SYN2: variants seen among roughly 807,000 people sequenced by gnomAD.
SYN2 encodes synapsin II.
In SYN2, 19 loss-of-function variants were observed where a neutral mutation model predicts 50.9. That is an observed-to-expected ratio of 0.37 (90% CI 0.26 to 0.55). The LOEUF is 0.55. SYN2 is among the 20% of genes least tolerant of loss of function. SYN2 has a pLI of 0.81. For synonymous variants in SYN2, 255 were observed against 224.9 expected, an observed-to-expected ratio of 1.13 and a Z score of -1.20; for missense variants, 587 against 576.4, an observed-to-expected ratio of 1.02 and a Z score of -0.19.
chr3:12,052,754 C>A (rs1694894702), intron 1 of SYN2, among the ~76,000 whole-genome samples: 1 of 152,176 alleles, frequency 6.6e-6, no homozygotes. Context: ...TGTCTCCTTT[C>A]TTTCCAGAAA....
intron 1 of SYN2, among the ~76,000 whole-genome samples, chr3:12,127,179 T>G (rs1449016651): frequency 6.6e-6 from 1 of 152,228 alleles, no homozygotes; most frequent in Non-Finnish European, 1.5e-5. Flanking sequence ...GAGTTGGTTT[T>G]TAAAACTACT....
At chr3:12,007,591 G>A (rs1486547071) in intron 1 of SYN2, among the ~76,000 whole-genome samples, 1 of 152,140 alleles carries the variant, frequency 6.6e-6, no homozygotes, top group African/African-American at 2.4e-5. Flanking sequence ...TATCGTATAT[G>A]CCCTATATTA....
At chr3:12,053,685 AATAGTATTCT>A (rs1694922720) in intron 1 of SYN2, among the ~76,000 whole-genome samples, 1 of 152,140 alleles carries the variant, frequency 6.6e-6, no homozygotes, top group African/African-American at 2.4e-5. Context: ...CCCTAGAGTT[AATAGTATTCT>A]CATGTTTTTT....
intron 10 of SYN2, among the ~76,000 whole-genome samples, chr3:12,182,056 C>T (rs1294237150): frequency 6.6e-6 from 1 of 152,166 alleles, no homozygotes; most frequent in African/African-American, 2.4e-5. Flanking sequence ...AGCTGCTCTC[C>T]CAAATCCTCT....
intron 1 of SYN2, among the ~76,000 whole-genome samples, chr3:12,135,933 T>TA (rs1255991810): frequency 6.6e-6 from 1 of 152,206 alleles, no homozygotes; most frequent in Non-Finnish European, 1.5e-5. Context: ...CAATAAGACA[T>TA]AATCAGTATT....
At chr3:12,154,553 CTT>C in intron 5 of SYN2, 1 of 1,394,674 alleles carries the variant, frequency 7.2e-7, no homozygotes, top group Non-Finnish European at 9.8e-7. Context: ...TCCCCAATGA[CTT>C]TGGTGGCAGT....
At chr3:12,090,158 G>A (rs1030365913) in intron 1 of SYN2, among the ~76,000 whole-genome samples, 3 of 152,022 alleles carry the variant, frequency 2.0e-5, no homozygotes, top group Non-Finnish European at 4.4e-5. Flanking sequence ...TAGCTAATTG[G>A]CCCTTATGAA....
intron 1 of SYN2, among the ~76,000 whole-genome samples, chr3:12,139,186 G>A (rs1696962563): frequency 6.6e-6 from 1 of 152,168 alleles, no homozygotes; most frequent in Non-Finnish European, 1.5e-5. Context: ...TAGGACAAAT[G>A]ACAACTTCCT....
intron 1 of SYN2, among the ~76,000 whole-genome samples, chr3:12,092,268 A>C (rs940679515): frequency 6.6e-6 from 1 of 152,196 alleles, no homozygotes; most frequent in African/African-American, 2.4e-5. Flanking sequence ...CTATACTTTT[A>C]AGCATAATTT....
At chr3:12,177,568 C>T (rs1698109584) in intron 10 of SYN2, among the ~76,000 whole-genome samples, 1 of 152,212 alleles carries the variant, frequency 6.6e-6, no homozygotes, top group Non-Finnish European at 1.5e-5. Context: ...TTCACTTGAG[C>T]TCAGAAGAGG....
intron 1 of SYN2, among the ~76,000 whole-genome samples, chr3:12,101,408 T>C (rs1559420117): frequency 6.6e-6 from 1 of 152,172 alleles, no homozygotes; most frequent in East Asian, 1.9e-4. Context: ...ATTGAATGAT[T>C]TCATTTATAT....
intron 1 of SYN2, among the ~76,000 whole-genome samples, chr3:12,090,330 A>G (rs1386614539): frequency 6.6e-6 from 1 of 151,934 alleles, no homozygotes; most frequent in Non-Finnish European, 1.5e-5. Context: ...TTATGAATGT[A>G]TAAACGAAAC....
Position 12,004,524 on chromosome 3 carries a change from C to G in SYN2, c.-28C>G, listed in dbSNP as rs1363440993. On this transcript the variant is annotated 5_prime_UTR_variant, in exon 1 of 13. Coordinates refer to ENST00000621198, the MANE Select transcript of SYN2 (RefSeq NM_133625.6). ...CCTCCGCGCCACCAGACCCCGTAGC[C>G]CCGCGCGCCCCCAGCCCTTTAAGCC... is the stretch of plus-strand genomic sequence containing the variant. The G allele has an allele frequency of 3.5e-6, 2 of 570,128 alleles. No individual in the cohort carries two copies. The highest frequency in any genetic ancestry group is 2.0e-5 in the African/African-American group (1 of 50,386). 35.3% of individuals were successfully genotyped at this position (570,128 alleles called of 1,614,324 possible). A position where few individuals can be genotyped will look rare whatever the true frequency, so the allele number is the denominator to read the frequency against.
At chr3:12,058,855 T>G (rs952282707) in intron 1 of SYN2, among the ~76,000 whole-genome samples, 1 of 152,204 alleles carries the variant, frequency 6.6e-6, no homozygotes, top group Non-Finnish European at 1.5e-5. Flanking sequence ...CTCATTACAG[T>G]TTAATGCTGG....
intron 10 of SYN2, among the ~76,000 whole-genome samples, chr3:12,178,878 A>G (rs969032232): frequency 2.0e-5 from 3 of 152,244 alleles, no homozygotes; most frequent in Non-Finnish European, 2.9e-5. Flanking sequence ...GCCTTGCCCA[A>G]GGTCACACAG....
At chr3:12,086,942 A>G (rs1169397169) in intron 1 of SYN2, among the ~76,000 whole-genome samples, 2 of 152,148 alleles carry the variant, frequency 1.3e-5, no homozygotes, top group Non-Finnish European at 2.9e-5. Flanking sequence ...ATGATATTAT[A>G]TATTTTTTAA....
At chr3:12,080,219 C>T (rs2125173577) in intron 1 of SYN2, among the ~76,000 whole-genome samples, 1 of 150,356 alleles carries the variant, frequency 6.7e-6, no homozygotes, top group East Asian at 1.9e-4. Context: ...AGCTAGCAGT[C>T]TATTTTATGA....
intron 1 of SYN2, among the ~76,000 whole-genome samples, chr3:12,137,107 G>A (rs927566254): frequency 2.0e-5 from 3 of 152,104 alleles, no homozygotes; most frequent in Non-Finnish European, 2.9e-5. Flanking sequence ...AATTAGCCTG[G>A]CGTGGTGGCA....
rs918295619 is a variant in SYN2, at chr3:12,157,048, G to C, written c.775-4498G>C. 6 of 744,544 alleles carry C rather than the reference G, an allele frequency of 8.1e-6. No homozygotes were observed. In the African/African-American group the frequency reaches 8.8e-5, roughly 11 times the overall value. 46.1% of individuals were successfully genotyped at this position (744,544 alleles called of 1,614,324 possible). On this transcript the variant is annotated intron_variant, in intron 5 of 12. Transcript: ENST00000621198. ...AAAATGTAAGCAAAAGTCTAGTTGA[G>C]GATTTTGTGTCCTCAGATGTCCCTA...
Sources: gnomAD v4.1 joint callset for allele counts (sites outside exome capture counted in the v4.1 genomes callset) on GRCh38, gnomAD v4.1.1 for gene constraint, MANE v1.5 for transcripts, NCBI Gene and HGNC (gene_info 2026-07-23, HGNC 2026-07-21) for gene names.